Variants in SPAG16 observed in about 807,000 individuals in gnomAD.
The protein encoded by SPAG16 is sperm-associated antigen 16 protein.
Under a neutral mutation model 80.4 loss-of-function variants are expected in SPAG16, and 86 were observed. That is an observed-to-expected ratio of 1.07 (90% CI 0.90 to 1.28). The LOEUF is 1.28. SPAG16 is among the 50% of genes most tolerant of loss of function. SPAG16 has a pLI of 0.00. For missense variants in SPAG16, 870 were observed against 765.3 expected (o/e 1.14, Z -1.61); for synonymous variants, 294 against 265.9 (o/e 1.11, Z -1.03).
chr2:213,665,989 G>A (rs2063586151), intron 10 of SPAG16, among the ~76,000 whole-genome samples: 1 of 152,132 alleles, frequency 6.6e-6, no homozygotes, highest in Non-Finnish European at 1.5e-5. Flanking sequence ...AACCATGAAG[G>A]CAGAGAAGGC....
intron 12 of SPAG16, among the ~76,000 whole-genome samples, chr2:214,010,446 G>C (rs983924246): frequency 1.4e-5 from 2 of 146,708 alleles, no homozygotes; most frequent in African/African-American, 5.3e-5. Flanking sequence ...AGGCATAATA[G>C]GTGGACCTTT....
intron 15 of SPAG16, among the ~76,000 whole-genome samples, chr2:214,160,693 A>G (rs913486156): frequency 6.6e-6 from 1 of 151,446 alleles, no homozygotes; most frequent in Non-Finnish European, 1.5e-5. Context: ...CTGTGTATGT[A>G]CGTATGTAAG....
chr2:213,471,979 G>T (rs529445997), intron 9 of SPAG16, among the ~76,000 whole-genome samples: 3 of 152,290 alleles, frequency 2.0e-5, no homozygotes, highest in South Asian at 2.1e-4. Context: ...ATTTTAGTCA[G>T]ATTTATTTTC....
At chr2:214,362,474 T>C (rs1699243305) in intron 15 of SPAG16, among the ~76,000 whole-genome samples, 1 of 151,884 alleles carries the variant, frequency 6.6e-6, no homozygotes, top group African/African-American at 2.4e-5. Flanking sequence ...AGCTATTTGT[T>C]CTAAATGGGT....
At chr2:213,760,588 G>A (rs1315741788) in intron 10 of SPAG16, among the ~76,000 whole-genome samples, 6 of 150,760 alleles carry the variant, frequency 4.0e-5, no homozygotes, top group Admixed American at 4.0e-4. Context: ...TGCAACAACA[G>A]CGTACACATT....
chr2:214,124,358 C>T, intron 14 of SPAG16, among the ~76,000 whole-genome samples: 1 of 151,624 alleles, frequency 6.6e-6, no homozygotes, highest in East Asian at 1.9e-4. Context: ...ACAGGTTTCA[C>T]AGTACGAAAT....
chr2:213,426,339 G>T (rs932140837), intron 9 of SPAG16, among the ~76,000 whole-genome samples: 1 of 151,698 alleles, frequency 6.6e-6, no homozygotes, highest in African/African-American at 2.4e-5. Flanking sequence ...ATAAGAAAAC[G>T]ATTCTCATTT....
At chr2:213,776,744 A>T (rs1476181431) in intron 10 of SPAG16, among the ~76,000 whole-genome samples, 2 of 152,046 alleles carry the variant, frequency 1.3e-5, no homozygotes, top group African/African-American at 4.8e-5. Context: ...TTTAGAGACT[A>T]ATATAGAGAA....
intron 10 of SPAG16, among the ~76,000 whole-genome samples, chr2:213,551,057 C>A (rs1437482822): frequency 1.3e-5 from 2 of 152,198 alleles, no homozygotes; most frequent in Non-Finnish European, 2.9e-5. Flanking sequence ...CCGTAATAGT[C>A]AGAGATTTGG....
chr2:214,246,337 A>G (rs987258971), intron 15 of SPAG16, among the ~76,000 whole-genome samples: 18 of 152,100 alleles, frequency 1.2e-4, no homozygotes, highest in Admixed American at 5.3e-4. Context: ...CTCTTCCACA[A>G]TGTCACGATG....
chr2:213,525,058 A>C (rs1000016243), intron 10 of SPAG16, among the ~76,000 whole-genome samples: 1 of 152,052 alleles, frequency 6.6e-6, no homozygotes, highest in Non-Finnish European at 1.5e-5. Flanking sequence ...AGGTAATTGA[A>C]TCATGAGAGC....
chr2:213,960,465 A>G (rs372215236), intron 12 of SPAG16, among the ~76,000 whole-genome samples: 15 of 152,070 alleles, frequency 9.9e-5, no homozygotes, highest in East Asian at 7.7e-4. Context: ...GTTGTTGAGA[A>G]CTAGATAGTT....
At chr2:214,371,773 C>T (rs1212751974) in intron 15 of SPAG16, among the ~76,000 whole-genome samples, 13 of 150,596 alleles carry the variant, frequency 8.6e-5, no homozygotes, top group Non-Finnish European at 1.6e-4. Context: ...CTCCGCCTCC[C>T]GGGTTCAAGC....
intron 9 of SPAG16, among the ~76,000 whole-genome samples, chr2:213,436,636 G>A (rs923647210): frequency 6.6e-6 from 1 of 151,868 alleles, no homozygotes; most frequent in African/African-American, 2.4e-5. Context: ...CCTTATAATT[G>A]TATATATTTA....
At chr2:214,407,407 T>C (rs4335945) in intron 15 of SPAG16, among the ~76,000 whole-genome samples, 132,892 of 152,140 alleles carry the variant, frequency 0.87, 58,323 homozygotes, top group African/African-American at 0.96. Context: ...TTTACTTCAA[T>C]ATGAACATTA....
intron 8 of SPAG16, among the ~76,000 whole-genome samples, chr2:213,366,874 G>A (rs2066324013): frequency 6.6e-6 from 1 of 151,978 alleles, no homozygotes; most frequent in South Asian, 2.1e-4. Context: ...TGCCATATTG[G>A]TGTGCTGCAC....
intron 11 of SPAG16, among the ~76,000 whole-genome samples, chr2:213,870,826 AT>A (rs1225596536): frequency 6.6e-6 from 1 of 152,248 alleles, no homozygotes. Context: ...AAAGAAAATA[AT>A]TTTTAAAAAA....
chr2:213,953,012 A>C (rs956380861), intron 12 of SPAG16, among the ~76,000 whole-genome samples: 1 of 152,064 alleles, frequency 6.6e-6, no homozygotes, highest in African/African-American at 2.4e-5. Context: ...TTCCCAAAGA[A>C]AATGATATAG....
intron 10 of SPAG16, among the ~76,000 whole-genome samples, chr2:213,660,668 A>C (rs939437805): frequency 6.6e-6 from 1 of 151,990 alleles, no homozygotes; most frequent in Non-Finnish European, 1.5e-5. Flanking sequence ...AGGGGATAAA[A>C]CCCCTTGTGG....
Sources: gnomAD v4.1 joint callset for allele counts (sites outside exome capture counted in the v4.1 genomes callset) on GRCh38, gnomAD v4.1.1 for gene constraint, MANE v1.5 for transcripts, NCBI Gene and HGNC (gene_info 2026-07-23, HGNC 2026-07-21) for gene names.